The following RNF123 variants were observed in gnomAD, a reference collection of about 807,000 sequenced individuals.
RNF123 encodes the protein E3 ubiquitin-protein ligase RNF123.
Under a neutral mutation model 168.5 loss-of-function variants are expected in RNF123, and 86 were observed. The observed-to-expected ratio is 0.51, with a 90% confidence interval of 0.43 to 0.61. RNF123 has a LOEUF of 0.61. Among genes scored for constraint, RNF123 ranks in the 20% least tolerant of loss-of-function variants. RNF123 has a pLI of 0.00. For synonymous variants in RNF123, 666 were observed against 689.1 expected (o/e 0.97, Z 0.52); for missense variants, 1,419 against 1,729.7 (o/e 0.82, Z 3.19).
Position 49,715,806 on chromosome 3 carries a change from C to G in RNF123, c.3151-16C>G. ...CCAGGTGCTGACCACTGCATGCCCA[C>G]GTGTTGGTGGCTCAGATCCAGCAGG... On this transcript the variant is annotated splice_polypyrimidine_tract_variant and intron_variant, in intron 32 of 38. Coordinates refer to ENST00000327697, the MANE Select transcript of RNF123 (RefSeq NM_022064.5). 6.2e-7 allele frequency: 1 copy of G among 1,613,852 alleles called. No homozygotes were observed. The highest frequency in any genetic ancestry group is 8.5e-7 in the Non-Finnish European group (1 of 1,179,862).
chr3:49,706,410 A>G (rs2054520616), intron 25 of RNF123, among the ~76,000 whole-genome samples: 1 of 152,224 alleles, frequency 6.6e-6, no homozygotes, highest in African/African-American at 2.4e-5. Context: ...TAGCTGCCCT[A>G]GCCCAGGAAG....
In RNF123 at chr3:49,691,257, G is replaced by C; in HGVS notation, c.82+10G>C. 6.2e-7 allele frequency: 1 copy of C among 1,613,470 alleles called. No individual in the cohort carries two copies. On this transcript the variant is annotated intron_variant, in intron 2 of 38. Coordinates refer to ENST00000327697, the MANE Select transcript of RNF123 (RefSeq NM_022064.5). ...AAATCCAGGGTCACAGGTAAGAGCT[G>C]GCAGGGAAGGAAGGAGGCTCCTCTT...
Position 49,720,671 on chromosome 3 carries a change from G to A in RNF123, c.3643+18G>A, listed in dbSNP as rs201961378. The A allele has an allele frequency of 4.4e-4, 708 of 1,595,204 alleles. 5 individuals carry two copies. Among genetic ancestry groups the A allele is most frequent in the Non-Finnish European group, 3.3e-5 (39 of 1,166,260 alleles). On this transcript the variant is annotated intron_variant, in intron 36 of 38. Transcript: ENST00000327697. ...GCAGAGCTGTGAGTGGGCTGGTGGG[G>A]CAGGTCAGGGAAATCTGGGGCTGGG...
At chr3:49,697,077 G>T (rs1429936198) in intron 3 of RNF123, 66 bp from the exon 4 acceptor site, 3 of 1,341,852 alleles carry the variant, frequency 2.2e-6, no homozygotes, top group Non-Finnish European at 3.2e-6. Context: ...GGAAAGGATG[G>T]GATTTAGTGT....
chr3:49,714,311 C>T (rs1366163746), intron 31 of RNF123, 137 bp downstream of exon 31: 8 of 746,524 alleles, frequency 1.1e-5, no homozygotes, highest in Non-Finnish European at 1.8e-5. Flanking sequence ...CCTACGTGTC[C>T]CCTGGGGTTT....
chr3:49,702,407 T>A lies in RNF123; in HGVS notation c.1629+2T>A, dbSNP rs1559676667. ...CAGGAGAACGCCAGTGGCCGGGGGG[T>A]AGGTGTCCTCCAGGCCAGCCCACTG... On this transcript the variant is annotated splice_donor_variant, in intron 19 of 38. Transcript: ENST00000327697. LOFTEE classifies it high-confidence loss of function. The A allele has an allele frequency of 6.2e-7, 1 of 1,613,862 alleles. No individual in the cohort carries two copies. Among genetic ancestry groups the A allele is most frequent in the Non-Finnish European group, 8.5e-7 (1 of 1,179,892 alleles).
Position 49,702,762 on chromosome 3 carries a change from C to T in RNF123, c.1750+9C>T. ...TGCTTCCTTCAGTGAGGGTGAGTGGCACCGGGGTCCCAGGTCAGTGAGGCT... is the reference window on the plus strand; with the variant it reads ...TGCTTCCTTCAGTGAGGGTGAGTGGTACCGGGGTCCCAGGTCAGTGAGGCT... On this transcript the variant is annotated intron_variant, in intron 20 of 38. Transcript: ENST00000327697. 1 of 1,614,042 alleles carries T rather than the reference C, an allele frequency of 6.2e-7. No homozygotes were observed. Among genetic ancestry groups the T allele is most frequent in the East Asian group, 2.2e-5 (1 of 44,882 alleles).
At chr3:49,705,720 T>A (rs2054503066) in intron 24 of RNF123, 41 bp downstream of exon 24, 2 of 1,612,768 alleles carry the variant, frequency 1.2e-6, no homozygotes, top group Non-Finnish European at 1.7e-6. Flanking sequence ...GCGGGTGTTG[T>A]GCGTGTTTGG....
intron 36 of RNF123, 62 bp downstream of exon 36, chr3:49,720,715 G>A: frequency 6.2e-7 from 1 of 1,605,226 alleles, no homozygotes; most frequent in South Asian, 1.1e-5. Flanking sequence ...GGAGCCTTAA[G>A]AACAGCAAAG....
At chr3:49,713,249 A>C in intron 27 of RNF123, 1 of 592,872 alleles carries the variant, frequency 1.7e-6, no homozygotes, top group Non-Finnish European at 3.0e-6. Flanking sequence ...TTGACTGCTC[A>C]TCAGGTGTGT....
chr3:49,717,805 G>C, intron 35 of RNF123: 1 of 846,810 alleles, frequency 1.2e-6, no homozygotes, highest in Non-Finnish European at 1.8e-6. Context: ...TGAGCGAGAA[G>C]GCCCATTGTG....
At chr3:49,698,269 A>G (rs1575522416) in intron 7 of RNF123, 132 bp downstream of exon 7, 3 of 952,312 alleles carry the variant, frequency 3.2e-6, no homozygotes, top group Non-Finnish European at 4.8e-6. Flanking sequence ...TGGAGAAGAA[A>G]CGTGTCCCAC....
Position 49,721,184 on chromosome 3 carries a change from G to A in RNF123, c.3825-1G>A, listed in dbSNP as rs1207444299. ...AGTCCTCATCCCCTCCCCTGTTGTA[G>A]AGCCTGTATCAACCAGCACCTGATG... On this transcript the variant is annotated splice_acceptor_variant, in intron 38 of 38. Transcript: ENST00000327697. LOFTEE classifies it high-confidence loss of function. 1 of 1,614,198 alleles carries A rather than the reference G, an allele frequency of 6.2e-7. No individual in the cohort carries two copies. The highest frequency in any genetic ancestry group is 1.7e-5 in the Admixed American group (1 of 60,026).
chr3:49,701,987 AGGTGGGACTTGGGGAACCCTGGT>A, intron 17 of RNF123, 73 bp from the exon 18 acceptor site: 1 of 1,547,740 alleles, frequency 6.5e-7, no homozygotes, highest in Non-Finnish European at 8.8e-7. Flanking sequence ...GCCCATGTCT[AGGTGGGACTTGGGGAACCCTGGT>A]GGTGGAGCCC....
At chr3:49,692,331 G>GT (rs1453151953) in intron 3 of RNF123, among the ~76,000 whole-genome samples, 4 of 152,170 alleles carry the variant, frequency 2.6e-5, no homozygotes, top group African/African-American at 9.7e-5. Context: ...CTTTCTTTGT[G>GT]TTACATTTTT....
chr3:49,703,464 G>A lies in RNF123; in HGVS notation c.1788G>A (p.Lys596=), dbSNP rs760286895. The A allele has an allele frequency of 4.3e-6, 7 of 1,614,100 alleles. No homozygotes were observed. The highest frequency in any genetic ancestry group is 5.9e-6 in the Non-Finnish European group (7 of 1,179,984). The part of the protein sequence containing the change: ...YIPPQVFYNG[K]VDYFDLQRLG... ...CGCCCCAGGTCTTCTATAATGGCAA[G>A]GTGGACTACTTTGACCTGCAGCGCC... is the stretch of plus-strand genomic sequence containing the variant. Residue 596 remains lysine (K), a synonymous_variant, in exon 21 of 39, where the codon AAG becomes AAA. Transcript: ENST00000327697.
intron 3 of RNF123, among the ~76,000 whole-genome samples, chr3:49,692,060 A>G (rs2054176525): frequency 3.9e-5 from 6 of 152,236 alleles, no homozygotes; most frequent in Admixed American, 3.3e-4. Flanking sequence ...CCTGAGCAAC[A>G]TGGCAAGACC....
chr3:49,713,441 C>A, intron 27 of RNF123, 72 bp from the exon 28 acceptor site: 1 of 1,454,754 alleles, frequency 6.9e-7, no homozygotes, highest in Non-Finnish European at 9.4e-7. Flanking sequence ...CCCAAGTCCA[C>A]CCACCCTGCT....
chr3:49,698,725 T>C (rs1163702640), intron 8 of RNF123, 30 bp from the exon 9 acceptor site: 2 of 1,609,676 alleles, frequency 1.2e-6, no homozygotes, highest in East Asian at 2.2e-5. Flanking sequence ...TGGGCTTCTG[T>C]GCATCTGGTG....
Sources: allele counts gnomAD v4.1 joint callset (sites outside exome capture counted in the v4.1 genomes callset), GRCh38; gene constraint gnomAD v4.1.1; transcripts MANE v1.5; gene names NCBI Gene and HGNC (gene_info 2026-07-23, HGNC 2026-07-21).